TFB1M: variants seen among roughly 807,000 people sequenced by gnomAD.
TFB1M encodes the protein transcription factor B1, mitochondrial.
TFB1M carries 27 observed loss-of-function variants against 31.1 expected under a neutral mutation model. The observed-to-expected ratio is 0.87, with a 90% CI of 0.64 to 1.20. TFB1M has a LOEUF of 1.20. TFB1M is among the 50% of genes most tolerant of loss of function. The probability of loss-of-function intolerance (pLI) is 0.00; values close to 1 mark genes in which losing one functional copy is unlikely to be tolerated. For synonymous variants in TFB1M, 166 were observed against 151.8 expected (o/e 1.09, Z -0.69); for missense variants, 394 against 418.7 (o/e 0.94, Z 0.51).
the TFB1M span, among the ~76,000 whole-genome samples, chr6:155,241,544 T>C: frequency 6.6e-6 from 1 of 152,162 alleles, no homozygotes; most frequent in African/African-American, 2.4e-5. Context: ...GCTGGGTCCA[T>C]GAATTAAGGC....
chr6:155,266,732 C>T (rs1292362270), intron 5 of TFB1M, among the ~76,000 whole-genome samples: 5 of 151,438 alleles, frequency 3.3e-5, no homozygotes, highest in African/African-American at 4.8e-5. Context: ...CTGTAGTCCC[C>T]GCTACTTGGG....
At chr6:155,250,939 T>C in the TFB1M span, 1 of 1,614,128 alleles carries the variant, frequency 6.2e-7, no homozygotes, top group African/African-American at 1.3e-5. Context: ...TGGGAGAGCT[T>C]CTGATGCACT....
chr6:155,314,420 G>GGCA lies in TFB1M; in HGVS notation c.6_8dup (p.Ala3dup). Reference sequence around the variant, plus strand: ...GACGGCAAGTGCTGAGTTTTCCGGAGGCAGCCATGATACGCGGCAAGCACC... The same window carrying GGCA: ...GACGGCAAGTGCTGAGTTTTCCGGAGGCAGCAGCCATGATACGCGGCAAGCACC... On this transcript the variant is annotated inframe_insertion, in exon 1 of 7. Transcript: ENST00000367166. 6.2e-7 allele frequency: 1 copy of GGCA among 1,614,174 alleles called. No homozygotes were observed. Among genetic ancestry groups the GGCA allele is most frequent in the East Asian group, 2.2e-5 (1 of 44,878 alleles).
At chr6:155,239,502 G>C in the TFB1M span, among the ~76,000 whole-genome samples, 1 of 152,228 alleles carries the variant, frequency 6.6e-6, no homozygotes, top group African/African-American at 2.4e-5. Flanking sequence ...TTTGTAATCT[G>C]ACCCTGCTCC....
Position 155,275,730 on chromosome 6 carries a change from C to G in TFB1M, c.666+9428G>C, listed in dbSNP as rs112008767. 2,370 of 1,612,688 alleles carry G rather than the reference C, an allele frequency of 1.5e-3. 37 individuals are homozygous for G. The African/African-American group carries it at 0.028, about 19-fold the overall frequency. On this transcript the variant is annotated intron_variant, in intron 5 of 6. Transcript: ENST00000367166. ...CTTAACAGTAACATCATGGCCTCAG[C>G]AGGACTCCAGCTCCTTGCTTTCATC...
rs1554250092 is a variant in TFB1M at position 155,257,922 on chromosome 6, C to CAA, written c.953_954dup (p.Ala319LeufsTer51). ...TTGAGTTCTTCTCTGAAATTATATGCAAAGAGTTGTGGGTCTTCATCACAC... is the reference window on the plus strand; with the variant it reads ...TTGAGTTCTTCTCTGAAATTATATGCAAAAAGAGTTGTGGGTCTTCATCACAC... On this transcript the variant is annotated frameshift_variant, in exon 7 of 7. Transcript: ENST00000367166. LOFTEE classifies it low-confidence loss of function (END_TRUNC). The CAA allele has an allele frequency of 1.2e-6, 2 of 1,613,990 alleles. No homozygotes were observed. The highest frequency in any genetic ancestry group is 1.7e-5 in the Admixed American group (1 of 59,998).
At chr6:155,270,275 A>G (rs181179015) in intron 5 of TFB1M, among the ~76,000 whole-genome samples, 1 of 152,348 alleles carries the variant, frequency 6.6e-6, no homozygotes, top group African/African-American at 2.4e-5. Flanking sequence ...CAGCAGACAG[A>G]AACACAACTT....
the TFB1M span, among the ~76,000 whole-genome samples, chr6:155,237,426 G>C: frequency 6.6e-6 from 1 of 152,196 alleles, no homozygotes; most frequent in African/African-American, 2.4e-5. Flanking sequence ...GTGGATCTGG[G>C]CTCTGGAGGA....
At chr6:155,275,814 T>G in intron 5 of TFB1M, 8 of 1,614,012 alleles carry the variant, frequency 5.0e-6, no homozygotes, top group Non-Finnish European at 5.9e-6. Flanking sequence ...AACTGGAAGG[T>G]GAATGTGGAT....
chr6:155,230,079 C>T, the TFB1M span, among the ~76,000 whole-genome samples: 6 of 152,070 alleles, frequency 3.9e-5, no homozygotes, highest in African/African-American at 1.4e-4. Context: ...ACCTGTACCA[C>T]CGAGAGTACA....
rs1440223175 is a variant in TFB1M, at chr6:155,256,849, G to C, written c.*987C>G. ...TCACCCCGAGGCTGAGCAGCAGCCT[G>C]GCCCGGAGTCGGGTGAGGGTCAGAA... On this transcript the variant is annotated 3_prime_UTR_variant, in exon 7 of 7. Coordinates refer to ENST00000367166, the MANE Select transcript of TFB1M (RefSeq NM_016020.4). 1.2e-6 allele frequency: 2 copies of C among 1,614,212 alleles called. No homozygotes were observed. Among genetic ancestry groups the C allele is most frequent in the Non-Finnish European group, 1.7e-6 (2 of 1,180,040 alleles).
chr6:155,292,025 A>C (rs1402525724), intron 4 of TFB1M, among the ~76,000 whole-genome samples: 2 of 152,232 alleles, frequency 1.3e-5, no homozygotes, highest in Non-Finnish European at 2.9e-5. Context: ...GAGTTTGCAT[A>C]AACAGGACAA....
rs1006536847 is a variant in TFB1M at position 155,285,313 on chromosome 6, T to C, written c.547-36A>G. 20 of 1,611,858 alleles carry C rather than the reference T, an allele frequency of 1.2e-5. No individual in the cohort carries two copies. The African/African-American group carries it at 1.7e-4, about 14-fold the overall frequency. ...ACAAAAATGAATTTTAGCAAATAATTAGTCCAGCCTGATTAGATGAAAAAG... is the reference window on the plus strand; with the variant it reads ...ACAAAAATGAATTTTAGCAAATAATCAGTCCAGCCTGATTAGATGAAAAAG... On this transcript the variant is annotated intron_variant, in intron 4 of 6. Coordinates refer to ENST00000367166, the MANE Select transcript of TFB1M (RefSeq NM_016020.4).
At chr6:155,280,654 C>T (rs2114726543) in intron 5 of TFB1M, among the ~76,000 whole-genome samples, 1 of 152,286 alleles carries the variant, frequency 6.6e-6, no homozygotes, top group Non-Finnish European at 1.5e-5. Context: ...AGTAGGAAAA[C>T]ACTAGTGTTC....
chr6:155,247,209 T>G, the TFB1M span, among the ~76,000 whole-genome samples: 1 of 152,328 alleles, frequency 6.6e-6, no homozygotes, highest in African/African-American at 2.4e-5. Flanking sequence ...CCCTTAAGTG[T>G]ACAGAATACA....
the TFB1M span, chr6:155,248,266 C>T: frequency 1.4e-6 from 2 of 1,435,840 alleles, no homozygotes; most frequent in Non-Finnish European, 1.9e-6. Flanking sequence ...CAGCTCACCT[C>T]TTCCCCGCCT....
chr6:155,232,597 G>A, the TFB1M span: 3 of 152,258 alleles, frequency 2.0e-5, no homozygotes, highest in African/African-American at 7.2e-5. Flanking sequence ...CTGGTTTGGG[G>A]AAACTCTGAG....
Position 155,314,441 on chromosome 6 carries a change from G to T in TFB1M, c.-13C>A, listed in dbSNP as rs1453193966. ...CGGAGGCAGCCATGATACGCGGCAA[G>T]CACCATCCAACCCTACCTCACCCAG... On this transcript the variant is annotated 5_prime_UTR_variant, in exon 1 of 7. Transcript: ENST00000367166. The T allele has an allele frequency of 6.2e-7, 1 of 1,613,944 alleles. No individual in the cohort carries two copies. The highest frequency in any genetic ancestry group is 8.5e-7 in the Non-Finnish European group (1 of 1,179,996).
At chr6:155,242,072 T>C in the TFB1M span, among the ~76,000 whole-genome samples, 1 of 152,184 alleles carries the variant, frequency 6.6e-6, no homozygotes, top group African/African-American at 2.4e-5. Flanking sequence ...ATGGGTGAAG[T>C]AGACAAGGAC....
Sources: allele counts gnomAD v4.1 joint callset (sites outside exome capture counted in the v4.1 genomes callset), GRCh38; gene constraint gnomAD v4.1.1; transcripts MANE v1.5; gene names NCBI Gene and HGNC (gene_info 2026-07-23, HGNC 2026-07-21).